The following AGTPBP1 variants were observed in gnomAD, a reference collection of about 807,000 sequenced individuals.
AGTPBP1 encodes the protein ATP/GTP binding carboxypeptidase 1.
A neutral mutation model predicts 143.9 loss-of-function variants in AGTPBP1; 70 were observed. The observed-to-expected ratio is 0.49, with a 90% confidence interval of 0.40 to 0.59. The LOEUF (loss-of-function observed/expected upper bound fraction) is 0.59. Among genes scored for constraint, AGTPBP1 ranks in the 20% least tolerant of loss-of-function variants. The pLI is 0.00. For missense variants in AGTPBP1, 1,229 were observed against 1,464.5 expected (o/e 0.84, Z 2.62); for synonymous variants, 463 against 500.2 (o/e 0.93, Z 0.99).
intron 21 of AGTPBP1, 22 bp from the exon 22 acceptor site, chr9:85,586,982 GACAGAAAAAC>G (rs756553805): frequency 1.2e-6 from 2 of 1,612,570 alleles, no homozygotes; most frequent in Non-Finnish European, 1.7e-6. Context: ...TAAACACAAA[GACAGAAAAAC>G]ACTGGTACCC....
intron 10 of AGTPBP1, 21 bp downstream of exon 10, chr9:85,657,414 A>C (rs1479160239): frequency 6.3e-7 from 1 of 1,579,448 alleles, no homozygotes; most frequent in East Asian, 2.2e-5. Flanking sequence ...TAATCACAAT[A>C]ATAAGAAGAA....
intron 4 of AGTPBP1, 40 bp downstream of exon 4, chr9:85,681,228 G>C: frequency 6.4e-7 from 1 of 1,568,530 alleles, no homozygotes; most frequent in East Asian, 2.2e-5. Flanking sequence ...GTATTGCTTG[G>C]CATTAGTAGT....
chr9:85,764,354 C>A, the AGTPBP1 span, among the ~76,000 whole-genome samples: 1 of 151,936 alleles, frequency 6.6e-6, no homozygotes, highest in African/African-American at 2.4e-5. Context: ...CATGATAAAA[C>A]CCCATCTCTA....
intron 1 of AGTPBP1, among the ~76,000 whole-genome samples, chr9:85,717,829 GC>G (rs1837815184): frequency 1.3e-5 from 2 of 149,916 alleles, no homozygotes; most frequent in African/African-American, 2.5e-5. Context: ...CCCTCCCACA[GC>G]CCCCCACCCC....
intron 13 of AGTPBP1, among the ~76,000 whole-genome samples, chr9:85,634,979 A>C (rs1012057434): frequency 6.6e-6 from 1 of 152,188 alleles, no homozygotes; most frequent in Non-Finnish European, 1.5e-5. Context: ...AATGTGGTAG[A>C]TAAGAAATAT....
intron 25 of AGTPBP1, among the ~76,000 whole-genome samples, chr9:85,573,305 T>C (rs1827645451): frequency 6.6e-6 from 1 of 152,210 alleles, no homozygotes; most frequent in African/African-American, 2.4e-5. Context: ...GGGGTTTCGC[T>C]GTGTTGGCCG....
rs147199832 is a variant in AGTPBP1 at position 85,567,939 on chromosome 9, C to G, written c.3503+7376G>C. Among the ~76,000 whole-genome samples, 214 of 152,240 alleles carry G rather than the reference C, an allele frequency of 1.4e-3. 1 individual carries two copies. In the East Asian group the frequency reaches 0.029, roughly 21 times the overall value. On this transcript the variant is annotated intron_variant, in intron 25 of 25. Coordinates refer to ENST00000357081, the MANE Select transcript of AGTPBP1 (RefSeq NM_001330701.2). Reference sequence around the variant, plus strand: ...CAAATTAAAAGTACCTATTAAGTGTCAAGCAAGATAAACTAAAAATAAGTC... The same window carrying G: ...CAAATTAAAAGTACCTATTAAGTGTGAAGCAAGATAAACTAAAAATAAGTC...
At chr9:85,688,258 C>CA (rs905918803) in intron 3 of AGTPBP1, among the ~76,000 whole-genome samples, 25 of 151,880 alleles carry the variant, frequency 1.6e-4, no homozygotes, top group Non-Finnish European at 3.1e-4. Context: ...ACAAAATTGA[C>CA]AAACTTTTAG....
At chr9:85,689,403 A>G (rs894559093) in intron 3 of AGTPBP1, among the ~76,000 whole-genome samples, 19 of 152,306 alleles carry the variant, frequency 1.2e-4, no homozygotes, top group African/African-American at 4.6e-4. Context: ...AGGGGTTACA[A>G]GAGTCCCCAT....
At chr9:85,751,108 G>A in the AGTPBP1 span, among the ~76,000 whole-genome samples, 6,847 of 152,174 alleles carry the variant, frequency 0.045, 504 homozygotes, top group African/African-American at 0.16. Context: ...TTAGGAGCCC[G>A]TCTCTCCCCA....
chr9:85,584,566 G>C lies in AGTPBP1; in HGVS notation c.3165+897C>G, dbSNP rs73475746. Among the ~76,000 whole-genome samples, 1,361 of 152,240 alleles carry C rather than the reference G, an allele frequency of 8.9e-3. 12 individuals carry two copies. Among genetic ancestry groups the C allele is most frequent in the African/African-American group, 0.031 (1,295 of 41,536 alleles). ...TGGAAATCTAGTTGAGAATTGTGAA[G>C]GCTTTGCTCCACAAAGTTTTGCTTC... On this transcript the variant is annotated intron_variant, in intron 23 of 25. Transcript: ENST00000357081.
intron 25 of AGTPBP1, among the ~76,000 whole-genome samples, chr9:85,561,303 A>G (rs921682191): frequency 1.3e-5 from 2 of 151,342 alleles, no homozygotes; most frequent in Admixed American, 1.3e-4. Context: ...CAGGAGAATC[A>G]CTTGAACCTG....
intron 25 of AGTPBP1, among the ~76,000 whole-genome samples, chr9:85,566,156 G>A (rs142755454): frequency 1.6e-3 from 247 of 152,272 alleles, no homozygotes; most frequent in Admixed American, 2.7e-3. Flanking sequence ...GCACTAAAGG[G>A]CACAGATATA....
intron 2 of AGTPBP1, among the ~76,000 whole-genome samples, chr9:85,704,477 A>T (rs1259435705): frequency 6.6e-6 from 1 of 152,166 alleles, no homozygotes; most frequent in Non-Finnish European, 1.5e-5. Flanking sequence ...TTAAAATCTC[A>T]TGATTAGCAG....
chr9:85,797,139 G>A, the AGTPBP1 span, among the ~76,000 whole-genome samples: 2 of 151,664 alleles, frequency 1.3e-5, no homozygotes, highest in Admixed American at 6.6e-5. Context: ...TTTTTTCTGA[G>A]ACTGGATCTC....
chr9:85,620,142 G>A (rs10780733), intron 15 of AGTPBP1, among the ~76,000 whole-genome samples: 28,496 of 152,092 alleles, frequency 0.19, 3,470 homozygotes, highest in East Asian at 0.52. Context: ...CAGGCACGGT[G>A]GGTCACACTT....
chr9:85,569,128 T>C (rs1178650562), intron 25 of AGTPBP1, among the ~76,000 whole-genome samples: 1 of 152,094 alleles, frequency 6.6e-6, no homozygotes, highest in Non-Finnish European at 1.5e-5. Flanking sequence ...ACCACCCCTG[T>C]TTCCCCCCTC....
At chr9:85,790,381 C>A in the AGTPBP1 span, among the ~76,000 whole-genome samples, 1 of 152,136 alleles carries the variant, frequency 6.6e-6, no homozygotes, top group Non-Finnish European at 1.5e-5. Context: ...GTAAACAATG[C>A]ACCCCTTATT....
chr9:85,788,180 A>G, the AGTPBP1 span: 1 of 152,086 alleles, frequency 6.6e-6, no homozygotes, highest in African/African-American at 2.4e-5. Context: ...TATTGGTCCA[A>G]TGAGATACTA....
Sources: gnomAD v4.1 joint callset for allele counts (sites outside exome capture counted in the v4.1 genomes callset) on GRCh38, gnomAD v4.1.1 for gene constraint, MANE v1.5 for transcripts, NCBI Gene and HGNC (gene_info 2026-07-23, HGNC 2026-07-21) for gene names.